Variants in PINK1 observed in about 807,000 individuals in gnomAD.
PINK1 encodes the protein serine/threonine-protein kinase PINK1, mitochondrial.
A neutral mutation model predicts 56.0 loss-of-function variants in PINK1; 58 were observed. The observed-to-expected ratio is 1.04, with a 90% CI of 0.84 to 1.29. The LOEUF (loss-of-function observed/expected upper bound fraction) is 1.29, where lower values mean the gene tolerates loss of function less well. Ranked by LOEUF, PINK1 falls within the 50% of genes most tolerant of loss-of-function variation. PINK1 has a pLI of 0.00. For synonymous variants in PINK1, 354 were observed against 339.3 expected (o/e 1.04, Z -0.48); for missense variants, 745 against 777.9 (o/e 0.96, Z 0.50).
At chr1:20,637,305 C>T (rs2053065397) in intron 1 of PINK1, among the ~76,000 whole-genome samples, 1 of 152,230 alleles carries the variant, frequency 6.6e-6, no homozygotes, top group Non-Finnish European at 1.5e-5. Context: ...AACTCTTGTA[C>T]TCTTGCTACC....
chr1:20,633,655 C>G lies in PINK1; in HGVS notation c.107C>G (p.Pro36Arg). The G allele has an allele frequency of 7.5e-7, 1 of 1,336,138 alleles. No homozygotes were observed. Among genetic ancestry groups the G allele is most frequent in the Non-Finnish European group, 9.5e-7 (1 of 1,053,014 alleles). The allele number at this position is 1,336,138 out of a possible 1,614,324, so 82.8% of individuals were successfully genotyped here. Reference protein sequence around the residue: ...GRAYGLGRPGPAAGCVRGERP... With the variant: ...GRAYGLGRPGRAAGCVRGERP... ...GCCTACGGCTTGGGGCGGCCGGGCC[C>G]GGCGGCGGGCTGTGTCCGCGGGGAG... The change falls in exon 1 of 8, where the codon CCG (proline) becomes CGG (arginine). Residue 36 changes from proline (P) to arginine (R), a missense_variant. Physicochemically the swap from Pro to Arg is moderately radical, Grantham distance 103. Coordinates refer to ENST00000321556, the MANE Select transcript of PINK1 (RefSeq NM_032409.3).
intron 1 of PINK1, among the ~76,000 whole-genome samples, chr1:20,634,678 CG>C (rs2053038314): frequency 6.6e-6 from 1 of 152,168 alleles, no homozygotes. Flanking sequence ...GCAGAGTAGG[CG>C]GGCAGGCTGG....
chr1:20,633,522 GCGGGGGC>G lies in PINK1; in HGVS notation c.-26_-20del. The G allele has an allele frequency of 8.8e-7, 1 of 1,135,438 alleles. No homozygotes were observed. Among genetic ancestry groups the G allele is most frequent in the Non-Finnish European group, 1.1e-6 (1 of 926,898 alleles). The allele number at this position is 1,135,438 out of a possible 1,614,324, so 70.3% of individuals were successfully genotyped here. On this transcript the variant is annotated 5_prime_UTR_variant, in exon 1 of 8. Coordinates refer to ENST00000321556, the MANE Select transcript of PINK1 (RefSeq NM_032409.3). ...GCCGGTGGTGGCGGCAGCGGCGGCT[GCGGGGGC>G]ACCGGGCCGCGGCGCCACCATGGCG...
chr1:20,647,038 C>G (rs2053191033), intron 5 of PINK1, among the ~76,000 whole-genome samples: 1 of 146,574 alleles, frequency 6.8e-6, no homozygotes, highest in African/African-American at 2.6e-5. Context: ...TGCCACCACG[C>G]CTAGCTAATT....
rs886045848 is a variant in PINK1, at chr1:20,650,523, G to A, written c.1578G>A (p.Lys526=). Residue 526 remains lysine, a synonymous_variant, in exon 8 of 8, where the codon AAG becomes AAA. Transcript: ENST00000321556. ...ILALKNLKLD[K]MVGWLLQQSA... is the part of the protein sequence containing the mutation. The stretch of plus-strand genomic sequence containing the variant: ...CCCTGAAGAATCTGAAGTTAGACAA[G>A]ATGGTTGGCTGGCTCCTCCAACAAT... 6.2e-7 allele frequency: 1 copy of A among 1,614,238 alleles called. No homozygotes were observed. Among genetic ancestry groups the A allele is most frequent in the Non-Finnish European group, 8.5e-7 (1 of 1,180,040 alleles).
At chr1:20,643,815 GAAGAT>G (rs1196340746) in intron 3 of PINK1, among the ~76,000 whole-genome samples, 1 of 152,184 alleles carries the variant, frequency 6.6e-6, no homozygotes, top group African/African-American at 2.4e-5. Flanking sequence ...TGAGCCCAGA[GAAGAT>G]AAGGACAGAG....
At position 20,641,725 on chromosome 1, in the gene PINK1, C is replaced by T. The variant is rs1012538718; in HGVS notation, c.776+1733C>T. Among the ~76,000 whole-genome samples the T allele has an allele frequency of 1.3e-5, 2 of 152,124 alleles. No homozygotes were observed. The highest frequency in any genetic ancestry group is 1.9e-4 in the East Asian group (1 of 5,180). On this transcript the variant is annotated intron_variant, in intron 3 of 7. Coordinates refer to ENST00000321556, the MANE Select transcript of PINK1 (RefSeq NM_032409.3). The surrounding 1 kb of genome is among the most constrained non-coding windows in gnomAD (Gnocchi z 4.0). ...GGCGCTTAACCTGCTCATCTCACCA[C>T]GTCTCCCGCCTTATCTCTCACCCTT...
chr1:20,638,078 TC>T lies in PINK1; in HGVS notation c.626del (p.Pro209ArgfsTer12). The T allele has an allele frequency of 6.2e-7, 1 of 1,613,910 alleles. No homozygotes were observed. Among genetic ancestry groups the T allele is most frequent in the South Asian group, 1.1e-5 (1 of 91,068 alleles). ...CACCAGGAGAAGGGCAGGAGCGAGC[TC>T]CGGGGGCCCCTGCCTTCCCCTTGGC... Reference protein sequence around the residue: ...SAPGEGQERAPGAPAFPLAIK... With the variant: ...SAPGEGQERAXGAPAFPLAIK... On this transcript the variant is annotated frameshift_variant, in exon 2 of 8. Transcript: ENST00000321556. LOFTEE classifies it high-confidence loss of function.
At chr1:20,644,953 T>C (rs1432384790) in intron 4 of PINK1, among the ~76,000 whole-genome samples, 1 of 152,256 alleles carries the variant, frequency 6.6e-6, no homozygotes, top group African/African-American at 2.4e-5. Flanking sequence ...TGGACTTATC[T>C]GTTTTTAACA....
chr1:20,643,351 G>T (rs889958856), intron 3 of PINK1, among the ~76,000 whole-genome samples: 4 of 152,180 alleles, frequency 2.6e-5, no homozygotes, highest in African/African-American at 4.8e-5. Flanking sequence ...GGGTCGGGGG[G>T]CGCTCCCCAC....
At chr1:20,642,495 T>C (rs2053126367) in intron 3 of PINK1, among the ~76,000 whole-genome samples, 1 of 152,134 alleles carries the variant, frequency 6.6e-6, no homozygotes, top group African/African-American at 2.4e-5. Flanking sequence ...CTGTGCAGAT[T>C]TGGGAGGAGT....
chr1:20,646,648 A>AAATAAATT (rs111650489), intron 5 of PINK1, among the ~76,000 whole-genome samples: 3 of 151,094 alleles, frequency 2.0e-5, no homozygotes, highest in Admixed American at 6.6e-5. Context: ...ATCTCAAAAT[A>AAATAAATT]AATTAATTAA....
rs751012180 is a variant in PINK1, at chr1:20,650,525, T to C, written c.1580T>C (p.Met527Thr). Reference sequence around the variant, plus strand: ...CTGAAGAATCTGAAGTTAGACAAGATGGTTGGCTGGCTCCTCCAACAATCG... The same window carrying C: ...CTGAAGAATCTGAAGTTAGACAAGACGGTTGGCTGGCTCCTCCAACAATCG... ...LALKNLKLDK[M>T]VGWLLQQSAA... The change falls in exon 8 of 8, where the codon ATG becomes ACG. Residue 527 changes from methionine to threonine, a missense_variant. Transcript: ENST00000321556. The C allele has an allele frequency of 5.4e-5, 87 of 1,614,110 alleles. 1 individual carries two copies. In the Admixed American group the frequency reaches 8.7e-4, roughly 16 times the overall value.
At chr1:20,634,242 A>G (rs1453299266) in intron 1 of PINK1, among the ~76,000 whole-genome samples, 2 of 152,238 alleles carry the variant, frequency 1.3e-5, no homozygotes, top group East Asian at 3.8e-4. Flanking sequence ...ACTAAATCAT[A>G]ACATTCCTAT....
intron 7 of PINK1, chr1:20,649,440 T>TC: frequency 1.7e-6 from 1 of 590,700 alleles, no homozygotes; most frequent in Middle Eastern, 4.2e-4. Context: ...TCCTAGCAGT[T>TC]CAACTCCTGT....
rs2053256304 is a variant in PINK1 at position 20,650,631 on chromosome 1, G to A, written c.1686G>A (p.Leu562=). 2 of 1,614,206 alleles carry A rather than the reference G, an allele frequency of 1.2e-6. No homozygotes were observed. Among genetic ancestry groups the A allele is most frequent in the East Asian group, 4.5e-5 (2 of 44,886 alleles). ...TGAAGATGCTCTTTCTGGCTAACCTGGAGTGTGAAACGCTCTGCCAGGCAG... is the reference window on the plus strand; with the variant it reads ...TGAAGATGCTCTTTCTGGCTAACCTAGAGTGTGAAACGCTCTGCCAGGCAG... The part of the protein sequence containing the change: ...TKMKMLFLAN[L]ECETLCQAAL... The change falls in exon 8 of 8, where the codon CTG becomes CTA. Residue 562 remains leucine, a synonymous_variant. Transcript: ENST00000321556.
chr1:20,642,319 T>C (rs1415635480), intron 3 of PINK1, among the ~76,000 whole-genome samples: 1 of 151,804 alleles, frequency 6.6e-6, no homozygotes, highest in African/African-American at 2.4e-5. Context: ...GAGACAGGAG[T>C]TGAATTCAAC....
At chr1:20,640,037 G>A (rs748401432) in intron 3 of PINK1, 45 bp downstream of exon 3, 11 of 1,495,944 alleles carry the variant, frequency 7.4e-6, no homozygotes, top group Non-Finnish European at 1.0e-5. Flanking sequence ...TTCTTTGAGA[G>A]CAACTTCATC....
chr1:20,644,595 C>T lies in PINK1; in HGVS notation c.882C>T (p.Asp294=). The T allele has an allele frequency of 6.2e-7, 1 of 1,614,230 alleles. No individual in the cohort carries two copies. The highest frequency in any genetic ancestry group is 8.5e-7 in the Non-Finnish European group (1 of 1,180,048). ...SVPLLPGALV[D]YPDVLPSRLH... ...CGCTGCTGCCAGGGGCCCTGGTCGA[C>T]TACCCTGATGTGCTGCCCTCACGCC... The change falls in exon 4 of 8, where the codon GAC becomes GAT. Residue 294 remains aspartate, a synonymous_variant. Transcript: ENST00000321556.
Sources: allele counts gnomAD v4.1 joint callset (sites outside exome capture counted in the v4.1 genomes callset), GRCh38; gene constraint gnomAD v4.1.1; non-coding constraint Gnocchi (gnomAD v3.1); transcripts MANE v1.5; gene names NCBI Gene and HGNC (gene_info 2026-07-23, HGNC 2026-07-21).